Variants in HM13 observed in about 807,000 individuals in gnomAD.
HM13 encodes signal peptide peptidase.
HM13 carries 18 observed loss-of-function variants against 50.0 expected under a neutral mutation model. The ratio of observed to expected loss-of-function variants is 0.36; its 90% CI spans 0.25 to 0.53. The LOEUF is 0.53. Ranked by LOEUF, HM13 falls within the 20% of genes least tolerant of loss-of-function variation. The pLI is 0.90. For synonymous variants in HM13, 197 were observed against 232.6 expected (o/e 0.85, Z 1.39); for missense variants, 393 against 552.4 (o/e 0.71, Z 2.89).
intron 12 of HM13, 146 bp from the exon 13 acceptor site, chr20:31,568,974 A>G (rs1042730877): frequency 1.6e-5 from 9 of 562,112 alleles, no homozygotes; most frequent in Non-Finnish European, 2.6e-5. Context: ...AGGCGCTGTT[A>G]GGTGCTGGGC....
At chr20:31,548,779 C>T (rs2122622568) in intron 4 of HM13, 2 of 538,362 alleles carry the variant, frequency 3.7e-6, no homozygotes, top group Non-Finnish European at 6.7e-6. Flanking sequence ...TTCCCGCTGA[C>T]ACTGTGCCAG....
At chr20:31,564,914 C>G (rs1340810823) in intron 10 of HM13, among the ~76,000 whole-genome samples, 1 of 151,322 alleles carries the variant, frequency 6.6e-6, no homozygotes, top group African/African-American at 2.4e-5. Flanking sequence ...GCTTGTAATC[C>G]CAGCACTTTG....
At chr20:31,519,257 A>G (rs1402751889) in intron 1 of HM13, among the ~76,000 whole-genome samples, 1 of 152,194 alleles carries the variant, frequency 6.6e-6, no homozygotes, top group Non-Finnish European at 1.5e-5. Flanking sequence ...ACCTGCCATC[A>G]TGCCTGGCTA....
chr20:31,531,407 T>A (rs1458875072), intron 2 of HM13, among the ~76,000 whole-genome samples: 1 of 151,876 alleles, frequency 6.6e-6, no homozygotes, highest in African/African-American at 2.4e-5. Context: ...AATTTTTTTT[T>A]TTTTTTAGAG....
intron 1 of HM13, among the ~76,000 whole-genome samples, chr20:31,517,646 G>T (rs1006182955): frequency 6.6e-6 from 1 of 152,172 alleles, no homozygotes; most frequent in African/African-American, 2.4e-5. Context: ...GCAGGAGAAG[G>T]TGGGGCAGGG....
At position 31,557,182 on chromosome 20, in the gene HM13, A is replaced by G. The variant is rs144728298; in HGVS notation, c.808+2353A>G. The stretch of plus-strand genomic sequence containing the variant: ...TATGGGCTTGCACCCATGTGTCTTC[A>G]TAATTTGCAGTGCTGTGAGGCAGGG... On this transcript the variant is annotated intron_variant, in intron 8 of 12. Transcript: ENST00000398174. 7.1e-3 allele frequency among the ~76,000 whole-genome samples: 1,075 copies of G among 152,326 alleles called. 4 individuals carry two copies. Among genetic ancestry groups the G allele is most frequent in the Middle Eastern group, 0.02 (6 of 294 alleles).
At chr20:31,553,181 A>G (rs983122626) in intron 7 of HM13, among the ~76,000 whole-genome samples, 5 of 131,298 alleles carry the variant, frequency 3.8e-5, no homozygotes, top group African/African-American at 2.0e-4. Context: ...CTGTAATTTC[A>G]GCTACTCAGG....
intron 4 of HM13, among the ~76,000 whole-genome samples, chr20:31,545,339 C>T (rs2122610954): frequency 6.6e-6 from 1 of 151,242 alleles, no homozygotes; most frequent in East Asian, 1.9e-4. Flanking sequence ...AAGTGGAAAG[C>T]ATTCAGCATG....
At chr20:31,544,875 G>A in intron 3 of HM13, 72 bp from the exon 4 acceptor site, 1 of 1,182,988 alleles carries the variant, frequency 8.5e-7, no homozygotes, top group Non-Finnish European at 1.3e-6. Flanking sequence ...AGCTGTAAAT[G>A]GGGCAGGGGT....
At chr20:31,559,356 C>T (rs1984484177) in intron 8 of HM13, among the ~76,000 whole-genome samples, 2 of 152,166 alleles carry the variant, frequency 1.3e-5, no homozygotes, top group African/African-American at 2.4e-5. Flanking sequence ...TGGGCAGACA[C>T]GGTGTGACAT....
chr20:31,522,807 C>T (rs1982251175), intron 1 of HM13, among the ~76,000 whole-genome samples: 1 of 151,918 alleles, frequency 6.6e-6, no homozygotes, highest in African/African-American at 2.4e-5. Flanking sequence ...ACTTCCAAAG[C>T]AGAAATCAGA....
intron 6 of HM13, among the ~76,000 whole-genome samples, chr20:31,549,637 C>T (rs1983921098): frequency 6.6e-6 from 1 of 152,152 alleles, no homozygotes; most frequent in Admixed American, 6.5e-5. Flanking sequence ...CAAAGAAGTT[C>T]AGGTAGGGGT....
intron 7 of HM13, among the ~76,000 whole-genome samples, chr20:31,551,952 T>G (rs894876553): frequency 6.6e-6 from 1 of 152,096 alleles, no homozygotes; most frequent in Admixed American, 6.5e-5. Context: ...GCCTGGCCCA[T>G]GAGCCAGACA....
At chr20:31,517,826 A>G (rs1470281172) in intron 1 of HM13, among the ~76,000 whole-genome samples, 1 of 143,382 alleles carries the variant, frequency 7.0e-6, no homozygotes. Context: ...TACACTTGTT[A>G]AAAAAAAAAA....
Position 31,514,610 on chromosome 20 carries a change from A to C in HM13, c.59A>C (p.Asn20Thr), listed in dbSNP as rs1222507689. ...NGSAEAGGPT[N>T]STTRPPSTPE... ...AGTGCCGAGGCAGGCGGCCCCACCA[A>C]CAGCACTACGCGGCCGCCTTCCACG... Residue 20 changes from asparagine (N) to threonine (T), a missense_variant, in exon 1 of 13, where the codon AAC becomes ACC. Coordinates refer to ENST00000398174, the MANE Select transcript of HM13 (RefSeq NM_178581.3). This position sits in a 1 kb window ranked among gnomAD's most constrained non-coding sequence, Gnocchi z 4.3. 6.3e-7 allele frequency: 1 copy of C among 1,598,732 alleles called. No homozygotes were observed. Among genetic ancestry groups the C allele is most frequent in the Admixed American group, 1.7e-5 (1 of 57,744 alleles).
chr20:31,545,689 A>G (rs1160321112), intron 4 of HM13, among the ~76,000 whole-genome samples: 2 of 152,216 alleles, frequency 1.3e-5, no homozygotes, highest in African/African-American at 4.8e-5. Flanking sequence ...CAAATGCTGT[A>G]ACAAGATTAT....
chr20:31,527,106 C>T (rs1227172849), intron 1 of HM13, among the ~76,000 whole-genome samples: 1 of 152,092 alleles, frequency 6.6e-6, no homozygotes, highest in Non-Finnish European at 1.5e-5. Flanking sequence ...TTTGGGAGGC[C>T]GAAGCAGGTG....
chr20:31,550,249 G>T, intron 7 of HM13, 128 bp downstream of exon 7: 3 of 732,320 alleles, frequency 4.1e-6, no homozygotes, highest in Admixed American at 3.9e-5. Context: ...TGGCTCCCCA[G>T]CCTGGTTTCC....
chr20:31,543,362 T>C (rs570357457), intron 3 of HM13, among the ~76,000 whole-genome samples: 2 of 152,280 alleles, frequency 1.3e-5, no homozygotes, highest in South Asian at 2.1e-4. Flanking sequence ...CTCAGCTCAC[T>C]GCAACCTCTG....
Sources: allele counts gnomAD v4.1 joint callset (sites outside exome capture counted in the v4.1 genomes callset), GRCh38; gene constraint gnomAD v4.1.1; non-coding constraint Gnocchi (gnomAD v3.1); transcripts MANE v1.5; gene names NCBI Gene and HGNC (gene_info 2026-07-23, HGNC 2026-07-21).